The following GABRB1 variants were observed in gnomAD, a reference collection of about 807,000 sequenced individuals.
GABRB1 encodes the protein gamma-aminobutyric acid type A receptor subunit beta1, also known as gamma-aminobutyric acid receptor subunit beta-1.
In GABRB1, 17 loss-of-function variants were observed where a neutral mutation model predicts 51.6. The observed-to-expected ratio is 0.33, with a 90% confidence interval of 0.23 to 0.49. The LOEUF (loss-of-function observed/expected upper bound fraction) is 0.49, where lower values mean the gene tolerates loss of function less well. Ranked by LOEUF, GABRB1 falls within the 20% of genes least tolerant of loss-of-function variation. GABRB1 has a pLI of 0.99. For synonymous variants in GABRB1, 247 were observed against 218.9 expected (o/e 1.13, Z -1.14); for missense variants, 410 against 600.6 (o/e 0.68, Z 3.32).
chr4:46,996,232 A>T (rs1723992616), intron 1 of GABRB1, among the ~76,000 whole-genome samples: 1 of 152,168 alleles, frequency 6.6e-6, no homozygotes, highest in Non-Finnish European at 1.5e-5. Context: ...CAGAAATAGG[A>T]AGGTGTTAAA....
intron 3 of GABRB1, among the ~76,000 whole-genome samples, chr4:47,146,637 A>G (rs756152569): frequency 6.6e-6 from 1 of 152,014 alleles, no homozygotes; most frequent in Admixed American, 6.6e-5. Context: ...AAATTTCAGG[A>G]CTGTCCAAGT....
intron 5 of GABRB1, among the ~76,000 whole-genome samples, 159 bp from the exon 6 acceptor site, chr4:47,403,159 C>G (rs1728455854): frequency 6.6e-6 from 1 of 152,114 alleles, no homozygotes; most frequent in African/African-American, 2.4e-5. Context: ...ACTAACAAAC[C>G]ATCAGAAATA....
chr4:47,399,860 C>A (rs1170857563), intron 5 of GABRB1, among the ~76,000 whole-genome samples: 1 of 152,174 alleles, frequency 6.6e-6, no homozygotes, highest in Non-Finnish European at 1.5e-5. Flanking sequence ...CTTGCACTTT[C>A]TGTCTGGAAG....
At chr4:47,089,120 A>G (rs562769710) in intron 3 of GABRB1, among the ~76,000 whole-genome samples, 61 of 152,340 alleles carry the variant, frequency 4.0e-4, no homozygotes, top group Non-Finnish European at 7.3e-4. Flanking sequence ...TGTCATTACA[A>G]TGAAGATGAA....
chr4:47,313,666 TA>T (rs1724784835), intron 4 of GABRB1, among the ~76,000 whole-genome samples: 1 of 152,100 alleles, frequency 6.6e-6, no homozygotes. Context: ...TCAGCTCACT[TA>T]ACCATAAGCA....
intron 5 of GABRB1, among the ~76,000 whole-genome samples, chr4:47,349,268 G>A (rs1388958546): frequency 1.3e-5 from 2 of 152,120 alleles, no homozygotes; most frequent in East Asian, 1.9e-4. Flanking sequence ...AGATGGCTTG[G>A]GAGGTCTGGG....
intron 3 of GABRB1, among the ~76,000 whole-genome samples, chr4:47,114,189 A>T (rs1349477242): frequency 7.8e-6 from 1 of 127,482 alleles, no homozygotes; most frequent in African/African-American, 3.0e-5. Context: ...GCAGCTAATC[A>T]TTCCAAGGCG....
At chr4:47,077,806 G>A (rs1727620575) in intron 3 of GABRB1, among the ~76,000 whole-genome samples, 1 of 46,308 alleles carries the variant, frequency 2.2e-5, no homozygotes, top group Non-Finnish European at 5.4e-5. Context: ...TTAATAATTA[G>A]AAACATATAA....
At chr4:47,353,812 T>C (rs966990759) in intron 5 of GABRB1, among the ~76,000 whole-genome samples, 1 of 152,190 alleles carries the variant, frequency 6.6e-6, no homozygotes, top group African/African-American at 2.4e-5. Flanking sequence ...ACAACTCTTT[T>C]AGTTTATTAT....
At chr4:47,425,633 G>C (rs755527670) in intron 8 of GABRB1, 41 bp from the exon 9 acceptor site, 7 of 1,469,558 alleles carry the variant, frequency 4.8e-6, no homozygotes, top group Non-Finnish European at 6.5e-6. Context: ...ACAGGCAAAG[G>C]TCCTGCAACT....
intron 5 of GABRB1, among the ~76,000 whole-genome samples, chr4:47,331,577 G>C (rs1038563536): frequency 7.2e-5 from 11 of 151,998 alleles, no homozygotes; most frequent in African/African-American, 2.7e-4. Context: ...TTTGCAACTA[G>C]ATTCCAAAGA....
chr4:47,342,859 T>C (rs1459351867), intron 5 of GABRB1, among the ~76,000 whole-genome samples: 5 of 152,080 alleles, frequency 3.3e-5, no homozygotes, highest in African/African-American at 1.2e-4. Context: ...TCAGGGTATG[T>C]AGAGAAATGG....
At chr4:47,237,996 A>T (rs1721390356) in intron 4 of GABRB1, among the ~76,000 whole-genome samples, 1 of 152,024 alleles carries the variant, frequency 6.6e-6, no homozygotes, top group Admixed American at 6.6e-5. Flanking sequence ...TATATTTCAT[A>T]TTTTGCATTG....
At chr4:47,096,515 T>G (rs1714442948) in intron 3 of GABRB1, among the ~76,000 whole-genome samples, 1 of 152,202 alleles carries the variant, frequency 6.6e-6, no homozygotes, top group Admixed American at 6.5e-5. Context: ...GAGATGTTCA[T>G]GCCCTAATCC....
chr4:47,326,635 C>G (rs1222127939), intron 5 of GABRB1, among the ~76,000 whole-genome samples: 1 of 151,946 alleles, frequency 6.6e-6, no homozygotes, highest in Admixed American at 6.6e-5. Context: ...CTACAGTGCT[C>G]TTATAAAAGA....
At chr4:47,094,060 G>A (rs1339483418) in intron 3 of GABRB1, among the ~76,000 whole-genome samples, 1 of 151,578 alleles carries the variant, frequency 6.6e-6, no homozygotes, top group Non-Finnish European at 1.5e-5. Flanking sequence ...CAAGGAGGGA[G>A]TGATGTTCTA....
At chr4:47,216,269 A>G (rs1226989653) in intron 4 of GABRB1, among the ~76,000 whole-genome samples, 2 of 151,800 alleles carry the variant, frequency 1.3e-5, no homozygotes, top group African/African-American at 2.4e-5. Flanking sequence ...TCTATATTTG[A>G]TAGATGTTGT....
At chr4:47,267,335 C>A in intron 4 of GABRB1, among the ~76,000 whole-genome samples, 1 of 150,950 alleles carries the variant, frequency 6.6e-6, no homozygotes. Flanking sequence ...TATTATAGCT[C>A]TTAAGGAAAA....
intron 3 of GABRB1, among the ~76,000 whole-genome samples, chr4:47,146,677 G>A (rs199541439): frequency 4.4e-4 from 67 of 152,108 alleles, no homozygotes; most frequent in African/African-American, 1.4e-3. Flanking sequence ...CACACTGAGT[G>A]TAAGAATTGT....
Sources: allele counts gnomAD v4.1 joint callset (sites outside exome capture counted in the v4.1 genomes callset), GRCh38; gene constraint gnomAD v4.1.1; transcripts MANE v1.5; gene names NCBI Gene and HGNC (gene_info 2026-07-23, HGNC 2026-07-21).